The following TSPAN7 variants were observed in gnomAD, a reference collection of about 807,000 sequenced individuals.
TSPAN7 encodes the protein tetraspanin 7.
Under a neutral mutation model 17.6 loss-of-function variants are expected in TSPAN7, and 1 was observed. The observed-to-expected ratio is 0.06, with a 90% confidence interval of 0.02 to 0.27. The LOEUF (loss-of-function observed/expected upper bound fraction) is 0.27, where lower values mean the gene tolerates loss of function less well. TSPAN7 is among the 10% of genes least tolerant of loss of function. The probability of loss-of-function intolerance (pLI) is 1.00; values close to 1 mark genes in which losing one functional copy is unlikely to be tolerated. For missense variants in TSPAN7, 112 were observed against 201.7 expected (o/e 0.56, Z 2.69); for synonymous variants, 78 against 79.0 (o/e 0.99, Z 0.07).
intron 1 of TSPAN7, among the ~76,000 whole-genome samples, chrX:38,607,862 G>GAAA (rs75062367): frequency 1.2e-5 from 1 of 83,388 alleles, no homozygotes; most frequent in Non-Finnish European, 2.4e-5. Context: ...TAGCCTTGAG[G>GAAA]AAAAAAAAAA....
intron 1 of TSPAN7, among the ~76,000 whole-genome samples, chrX:38,584,940 T>C (rs894017572): frequency 8.9e-5 from 10 of 112,486 alleles, no homozygotes; most frequent in African/African-American, 2.9e-4. Context: ...TGGTGTATTT[T>C]TGAACATTAT....
chrX:38,626,930 T>A (rs889584271), intron 1 of TSPAN7, among the ~76,000 whole-genome samples: 6 of 111,423 alleles, frequency 5.4e-5, no homozygotes, highest in Non-Finnish European at 1.1e-4. Flanking sequence ...TGGGGTAATT[T>A]GGCTCTGCTT....
rs746939036 is a variant in TSPAN7, at chrX:38,606,365, T to C, written c.81+44738T>C. 1.8e-4 allele frequency among the ~76,000 whole-genome samples: 20 copies of C among 112,051 alleles called. No homozygotes were observed. The South Asian group carries it at 1.9e-3, about 10-fold the overall frequency. ...AGACATTAATATATTTTATGTAACA[T>C]TAAGTGGAGACTAGAGTTACAAAGA... On this transcript the variant is annotated intron_variant, in intron 1 of 7. Coordinates refer to ENST00000378482, the MANE Select transcript of TSPAN7 (RefSeq NM_004615.4).
At chrX:38,603,461 G>T (rs937400097) in intron 1 of TSPAN7, among the ~76,000 whole-genome samples, 2 of 111,868 alleles carry the variant, frequency 1.8e-5, no homozygotes, top group African/African-American at 3.2e-5. Context: ...GTGTATAAAT[G>T]GGCATTTAGG....
chrX:38,671,910 T>C (rs1265436067), intron 3 of TSPAN7, among the ~76,000 whole-genome samples: 1 of 110,605 alleles, frequency 9.0e-6, no homozygotes, highest in African/African-American at 3.3e-5. Context: ...TAGCTGGGTG[T>C]GGTGGCTTGC....
At chrX:38,583,855 C>T (rs1051895005) in intron 1 of TSPAN7, among the ~76,000 whole-genome samples, 34 of 110,994 alleles carry the variant, frequency 3.1e-4, no homozygotes, top group African/African-American at 1.1e-3. Flanking sequence ...CTGTCACTCT[C>T]CCTGCGTTGA....
chrX:38,687,631 C>T lies in TSPAN7; in HGVS notation c.714C>T (p.Ser238=), dbSNP rs1366451374. The change falls in exon 7 of 8, where the codon TCC becomes TCT. Residue 238 remains serine, a synonymous_variant. Transcript: ENST00000378482. ...LIGMLLACCL[S]RFITANQYEM... ...GCATGCTGCTGGCCTGCTGTCTGTC[C>T]CGGTTCATCACGGCCAATCAGTATG... 1.4e-5 allele frequency: 17 copies of T among 1,208,920 alleles called. No individual in the cohort carries two copies. The highest frequency in any genetic ancestry group is 1.7e-5 in the Non-Finnish European group (15 of 894,897).
At chrX:38,680,714 T>G (rs761061685) in intron 5 of TSPAN7, among the ~76,000 whole-genome samples, 1 of 111,292 alleles carries the variant, frequency 9.0e-6, no homozygotes, top group African/African-American at 3.3e-5. Flanking sequence ...TGATTTCGGT[T>G]TGTTTATTCA....
At chrX:38,602,306 T>G (rs2069350969) in intron 1 of TSPAN7, among the ~76,000 whole-genome samples, 1 of 111,466 alleles carries the variant, frequency 9.0e-6, no homozygotes, top group Admixed American at 9.6e-5. Flanking sequence ...CTAATCACTT[T>G]TTTTATTCCT....
At chrX:38,606,334 T>C (rs974014564) in intron 1 of TSPAN7, among the ~76,000 whole-genome samples, 4 of 112,424 alleles carry the variant, frequency 3.6e-5, no homozygotes, top group African/African-American at 1.3e-4. Flanking sequence ...AAATATTAAA[T>C]TCTTAAGACA....
intron 1 of TSPAN7, among the ~76,000 whole-genome samples, chrX:38,603,185 C>G (rs374415136): frequency 4.5e-5 from 5 of 111,710 alleles, no homozygotes; most frequent in African/African-American, 1.6e-4. Context: ...TGATATTAAC[C>G]ATTAGGAAAA....
At chrX:38,639,021 C>T (rs1029559914) in intron 1 of TSPAN7, among the ~76,000 whole-genome samples, 1 of 111,296 alleles carries the variant, frequency 9.0e-6, no homozygotes, top group African/African-American at 3.3e-5. Context: ...CTTTACGACA[C>T]CCTTTGCCTC....
chrX:38,668,884 C>T (rs1009017566), intron 2 of TSPAN7, among the ~76,000 whole-genome samples: 1 of 111,474 alleles, frequency 9.0e-6, no homozygotes, highest in African/African-American at 3.3e-5. Context: ...AATTTACATT[C>T]CAATCAGCAG....
At chrX:38,629,194 A>C (rs2069537292) in intron 1 of TSPAN7, among the ~76,000 whole-genome samples, 1 of 112,509 alleles carries the variant, frequency 8.9e-6, no homozygotes. Flanking sequence ...CTCAGTTTGC[A>C]CTAGCCACGT....
intron 1 of TSPAN7, among the ~76,000 whole-genome samples, chrX:38,596,159 A>C (rs1291582058): frequency 9.0e-6 from 1 of 111,444 alleles, no homozygotes; most frequent in Non-Finnish European, 1.9e-5. Context: ...TGCAGATAAC[A>C]GCTTCCCTTA....
intron 6 of TSPAN7, among the ~76,000 whole-genome samples, chrX:38,681,570 G>A (rs750180811): frequency 1.7e-4 from 19 of 112,258 alleles, no homozygotes; most frequent in Admixed American, 3.8e-4. Context: ...TGAAGAACGT[G>A]CTGGCATAAT....
intron 1 of TSPAN7, among the ~76,000 whole-genome samples, chrX:38,579,682 A>T (rs1368765452): frequency 9.0e-6 from 1 of 111,510 alleles, no homozygotes; most frequent in African/African-American, 3.3e-5. Context: ...AGGCATTTAA[A>T]TTTTTTGGTG....
chrX:38,634,116 G>A (rs780882723), intron 1 of TSPAN7, among the ~76,000 whole-genome samples: 2 of 111,645 alleles, frequency 1.8e-5, no homozygotes, highest in Non-Finnish European at 3.8e-5. Flanking sequence ...CTTTTAATTC[G>A]AATCGGAATA....
intron 1 of TSPAN7, among the ~76,000 whole-genome samples, chrX:38,638,253 T>C (rs1404610865): frequency 8.9e-6 from 1 of 112,355 alleles, no homozygotes; most frequent in East Asian, 2.8e-4. Context: ...ACTTACCTCC[T>C]TCACCCTATG....
Sources: gnomAD v4.1 joint callset for allele counts (sites outside exome capture counted in the v4.1 genomes callset) on GRCh38, gnomAD v4.1.1 for gene constraint, MANE v1.5 for transcripts, NCBI Gene and HGNC (gene_info 2026-07-23, HGNC 2026-07-21) for gene names.